Variants in ATP10D observed in about 807,000 individuals in gnomAD.
The protein encoded by ATP10D is phospholipid-transporting ATPase VD.
ATP10D carries 89 observed loss-of-function variants against 144.8 expected under a neutral mutation model. The observed-to-expected ratio is 0.61, with a 90% CI of 0.52 to 0.73. ATP10D has a LOEUF of 0.73. Among genes scored for constraint, ATP10D ranks in the 30% least tolerant of loss-of-function variants. ATP10D has a pLI of 0.00. For missense variants in ATP10D, 1,603 were observed against 1,714.8 expected, an observed-to-expected ratio of 0.93 and a Z score of 1.15; for synonymous variants, 571 against 615.1, an observed-to-expected ratio of 0.93 and a Z score of 1.06.
Position 47,522,996 on chromosome 4 carries a change from T to C in ATP10D, c.486-16T>C, listed in dbSNP as rs1577642514. The C allele has an allele frequency of 6.5e-7, 1 of 1,550,034 alleles. No individual in the cohort carries two copies. On this transcript the variant is annotated splice_polypyrimidine_tract_variant and intron_variant, in intron 3 of 22. Transcript: ENST00000273859. ...CTTGATATTCTTTTTTTTTTTTAAC[T>C]TTTTTTTAATTACAGGAAAGAGAAA...
In ATP10D at chr4:47,557,852, T is replaced by C. The variant is rs1464788887; in HGVS notation, c.2013T>C (p.Pro671=). 6.2e-7 allele frequency: 1 copy of C among 1,614,218 alleles called. No homozygotes were observed. The highest frequency in any genetic ancestry group is 8.5e-7 in the Non-Finnish European group (1 of 1,180,034). Residue 671 remains proline (P), a synonymous_variant, in exon 12 of 23, where the codon CCT becomes CCC. Transcript: ENST00000273859. The part of the protein sequence containing the change: ...PLFSRMKPAS[P]VEEEVSQVCE... The stretch of plus-strand genomic sequence containing the variant: ...TTAGTCGAATGAAACCAGCTTCACC[T>C]GTGGAGGAAGAGGTCTCCCAGGTGT...
intron 22 of ATP10D, among the ~76,000 whole-genome samples, chr4:47,589,885 T>C (rs1720951348): frequency 6.6e-6 from 1 of 152,178 alleles, no homozygotes; most frequent in Admixed American, 6.6e-5. Flanking sequence ...ATTACATTAA[T>C]TGCTTTTATA....
At chr4:47,564,967 A>G (rs34707051) in intron 15 of ATP10D, among the ~76,000 whole-genome samples, 36,272 of 151,694 alleles carry the variant, frequency 0.24, 4,369 homozygotes, top group Admixed American at 0.3. Context: ...TCGTTTGTTT[A>G]TTTGTTTGTT....
Position 47,558,040 on chromosome 4 carries a change from T to G in ATP10D, c.2201T>G (p.Val734Gly). Residue 734 changes from valine to glycine, a missense_variant, in exon 12 of 23, where the codon GTG becomes GGG. By Grantham distance (109) the Val-to-Gly change is moderately radical. Transcript: ENST00000273859. The stretch of plus-strand genomic sequence containing the variant: ...GAGAGCCCAGACGAAGCGGCCTTAG[T>G]GTATGCCGCCAGGGCTTACCAATGC... ...EAESPDEAALVYAARAYQCTL... is the reference protein window; with the variant it reads ...EAESPDEAALGYAARAYQCTL... 1 of 1,614,240 alleles carries G rather than the reference T, an allele frequency of 6.2e-7. No individual in the cohort carries two copies. The highest frequency in any genetic ancestry group is 8.5e-7 in the Non-Finnish European group (1 of 1,180,048).
intron 1 of ATP10D, among the ~76,000 whole-genome samples, chr4:47,499,041 T>C (rs1447211445): frequency 6.6e-6 from 1 of 152,242 alleles, no homozygotes; most frequent in Admixed American, 6.5e-5. Context: ...CTAGCTTCAT[T>C]TTGAAACTTA....
intron 16 of ATP10D, among the ~76,000 whole-genome samples, chr4:47,571,445 T>C (rs1719950151): frequency 6.6e-6 from 1 of 151,972 alleles, no homozygotes; most frequent in South Asian, 2.1e-4. Context: ...AAGATGCTGA[T>C]TGTACAGATC....
rs10714321 is a variant in ATP10D, at chr4:47,572,379, A to AT, written c.3240+158dup. 1,423 of 603,572 alleles carry AT rather than the reference A, an allele frequency of 2.4e-3. 13 individuals carry two copies. Among genetic ancestry groups the AT allele is most frequent in the African/African-American group, 0.016 (888 of 54,098 alleles). 37.4% of individuals were successfully genotyped at this position (603,572 alleles called of 1,614,324 possible). ...AGGAAGTTTACCTATCTATTCATTG[A>AT]TTTTTTTTTACTAGGTGAGTATTAT... On this transcript the variant is annotated intron_variant, in intron 17 of 22. Coordinates refer to ENST00000273859, the MANE Select transcript of ATP10D (RefSeq NM_020453.4).
chr4:47,581,565 G>A (rs567901189), intron 20 of ATP10D, among the ~76,000 whole-genome samples: 1 of 152,276 alleles, frequency 6.6e-6, no homozygotes, highest in South Asian at 2.1e-4. Context: ...TGTCATTAGA[G>A]GAATAGTATA....
rs1362526082 is a variant in ATP10D at position 47,514,862 on chromosome 4, T to C, written c.291-614T>C. Among the ~76,000 whole-genome samples the C allele has an allele frequency of 8.6e-5, 13 of 151,192 alleles. No homozygotes were observed. The East Asian group carries it at 1.9e-3, about 22-fold the overall frequency. On this transcript the variant is annotated intron_variant, in intron 2 of 22. Transcript: ENST00000273859. ...GAATTTCTTCTAAATTTTTATGAAC[T>C]TTTAAAAAGAAAATAGTATTTTCTC...
intron 1 of ATP10D, among the ~76,000 whole-genome samples, chr4:47,500,543 T>C (rs1715628799): frequency 6.6e-6 from 1 of 152,078 alleles, no homozygotes; most frequent in Non-Finnish European, 1.5e-5. Context: ...ATGATGTGAG[T>C]TGTAAGTGAA....
At chr4:47,545,562 T>A (rs543572835) in intron 9 of ATP10D, among the ~76,000 whole-genome samples, 2 of 151,568 alleles carry the variant, frequency 1.3e-5, no homozygotes, top group Admixed American at 1.3e-4. Context: ...TTTGGATGTA[T>A]GGAGGACAGA....
intron 1 of ATP10D, among the ~76,000 whole-genome samples, chr4:47,501,836 T>C (rs1013062119): frequency 1.3e-5 from 2 of 152,212 alleles, no homozygotes; most frequent in African/African-American, 2.4e-5. Context: ...TGATCTTAGG[T>C]CTATTAAATT....
At chr4:47,486,861 C>T (rs1480012639) in intron 1 of ATP10D, among the ~76,000 whole-genome samples, 1 of 152,140 alleles carries the variant, frequency 6.6e-6, no homozygotes, top group Non-Finnish European at 1.5e-5. Flanking sequence ...AATCTAAGCA[C>T]TCTAAACTAG....
intron 2 of ATP10D, among the ~76,000 whole-genome samples, chr4:47,513,920 C>G (rs953536708): frequency 5.3e-5 from 8 of 152,098 alleles, no homozygotes; most frequent in Non-Finnish European, 7.4e-5. Flanking sequence ...GAGACCTGAC[C>G]TTGGAACAAT....
chr4:47,491,796 C>T (rs1715095203), intron 1 of ATP10D, among the ~76,000 whole-genome samples: 2 of 152,158 alleles, frequency 1.3e-5, no homozygotes, highest in South Asian at 2.1e-4. Context: ...ACCTTCTTTT[C>T]TGGGAAGCCT....
At chr4:47,500,209 C>T (rs1045666499) in intron 1 of ATP10D, among the ~76,000 whole-genome samples, 4 of 152,160 alleles carry the variant, frequency 2.6e-5, no homozygotes, top group Admixed American at 1.3e-4. Flanking sequence ...GAAATTTCTA[C>T]GCTGATGGAG....
intron 3 of ATP10D, 72 bp from the exon 4 acceptor site, chr4:47,522,940 T>G (rs1303072215): frequency 2.4e-6 from 3 of 1,268,594 alleles, no homozygotes; most frequent in African/African-American, 3.1e-5. Flanking sequence ...GCTAAAAAAT[T>G]TTTTAAAAAA....
chr4:47,564,817 C>G (rs1719516776), intron 15 of ATP10D, among the ~76,000 whole-genome samples: 1 of 152,224 alleles, frequency 6.6e-6, no homozygotes, highest in Non-Finnish European at 1.5e-5. Flanking sequence ...TCCTCCCATT[C>G]TTCTTCAGCA....
intron 17 of ATP10D, among the ~76,000 whole-genome samples, chr4:47,572,644 CGTGTGTGTGTGTGTGT>C (rs72171059): frequency 5.5e-5 from 8 of 145,200 alleles, no homozygotes; most frequent in Admixed American, 3.4e-4. Context: ...TTTGTGCGCA[CGTGTGTGTGTGTGTGT>C]GTGTGTGTGT....
Sources: gnomAD v4.1 joint callset for allele counts (sites outside exome capture counted in the v4.1 genomes callset) on GRCh38, gnomAD v4.1.1 for gene constraint, MANE v1.5 for transcripts, NCBI Gene and HGNC (gene_info 2026-07-23, HGNC 2026-07-21) for gene names.